Variants in LGSN observed in about 807,000 individuals in gnomAD.
The protein encoded by LGSN is lengsin, lens protein with glutamine synthetase domain.
A neutral mutation model predicts 19.5 loss-of-function variants in LGSN; 21 were observed. The observed-to-expected ratio is 1.07, with a 90% CI of 0.76 to 1.55. The LOEUF (loss-of-function observed/expected upper bound fraction) is 1.55, where lower values mean the gene tolerates loss of function less well. Ranked by LOEUF, LGSN falls within the 40% of genes most tolerant of loss-of-function variation. The pLI, the probability that LGSN is intolerant of heterozygous loss-of-function variation, is 0.00. For missense variants in LGSN, 673 were observed against 608.5 expected (o/e 1.11, Z -1.12); for synonymous variants, 257 against 215.6 (o/e 1.19, Z -1.68).
the LGSN span, among the ~76,000 whole-genome samples, chr6:63,337,036 G>C: frequency 6.6e-6 from 1 of 151,706 alleles, no homozygotes; most frequent in African/African-American, 2.4e-5. Flanking sequence ...GAATTCTCCT[G>C]CCTCAGCCTC....
At chr6:63,544,236 G>GA in the LGSN span, among the ~76,000 whole-genome samples, 1 of 152,098 alleles carries the variant, frequency 6.6e-6, no homozygotes, top group Non-Finnish European at 1.5e-5. Flanking sequence ...AAAGATGCAA[G>GA]AAAAATATAA....
chr6:63,405,783 T>A, the LGSN span, among the ~76,000 whole-genome samples: 1 of 152,006 alleles, frequency 6.6e-6, no homozygotes, highest in Non-Finnish European at 1.5e-5. Flanking sequence ...AGGAAACCCA[T>A]CTCAAGTGCA....
At chr6:63,568,357 T>C in the LGSN span, among the ~76,000 whole-genome samples, 2 of 152,346 alleles carry the variant, frequency 1.3e-5, no homozygotes, top group East Asian at 3.9e-4. Flanking sequence ...AATTTCAGTA[T>C]TGCTGTGTCT....
At chr6:63,299,944 A>G (rs1056810588) in intron 1 of LGSN, among the ~76,000 whole-genome samples, 53 of 152,258 alleles carry the variant, frequency 3.5e-4, no homozygotes, top group African/African-American at 1.2e-3. Context: ...ATTGTCTGTA[A>G]GCTGACACTG....
chr6:63,457,284 C>A, the LGSN span, among the ~76,000 whole-genome samples: 1 of 151,956 alleles, frequency 6.6e-6, no homozygotes, highest in East Asian at 2.0e-4. Context: ...GCGGGTGGAT[C>A]ACTTGAGGTC....
chr6:63,456,596 G>T, the LGSN span, among the ~76,000 whole-genome samples: 1 of 151,688 alleles, frequency 6.6e-6, no homozygotes, highest in Non-Finnish European at 1.5e-5. Context: ...GAGTAAACCT[G>T]TAAGTTGTGC....
At chr6:63,449,603 G>A in the LGSN span, among the ~76,000 whole-genome samples, 1 of 151,364 alleles carries the variant, frequency 6.6e-6, no homozygotes, top group African/African-American at 2.4e-5. Context: ...AATTCAAAAT[G>A]GCAATTGTTC....
chr6:63,333,336 C>T, the LGSN span, among the ~76,000 whole-genome samples: 1 of 151,364 alleles, frequency 6.6e-6, no homozygotes, highest in Non-Finnish European at 1.5e-5. Context: ...GAACTAATAA[C>T]AAGCCTTACA....
the LGSN span, among the ~76,000 whole-genome samples, chr6:63,390,859 C>CAAAAAA: frequency 5.9e-5 from 3 of 50,488 alleles, no homozygotes; most frequent in African/African-American, 1.4e-4. Flanking sequence ...GACTCCATCT[C>CAAAAAA]AAAAAAAAAA....
the LGSN span, among the ~76,000 whole-genome samples, chr6:63,343,615 C>G: frequency 6.6e-6 from 1 of 152,270 alleles, no homozygotes; most frequent in South Asian, 2.1e-4. Flanking sequence ...AGGGAATGCT[C>G]TTTTGCAAAA....
At chr6:63,413,360 A>C in the LGSN span, among the ~76,000 whole-genome samples, 1 of 152,172 alleles carries the variant, frequency 6.6e-6, no homozygotes, top group East Asian at 1.9e-4. Flanking sequence ...TCTTCTAAGA[A>C]ATGGATACAC....
At chr6:63,370,098 C>T in the LGSN span, among the ~76,000 whole-genome samples, 1 of 152,146 alleles carries the variant, frequency 6.6e-6, no homozygotes, top group African/African-American at 2.4e-5. Context: ...GATTTACAGA[C>T]ATTAGAATTT....
chr6:63,444,178 T>C, the LGSN span, among the ~76,000 whole-genome samples: 1 of 152,154 alleles, frequency 6.6e-6, no homozygotes, highest in Admixed American at 6.5e-5. Flanking sequence ...TATTCACTCA[T>C]TTAATCTTCT....
At chr6:63,421,777 G>A in the LGSN span, among the ~76,000 whole-genome samples, 1,953 of 152,088 alleles carry the variant, frequency 0.013, 37 homozygotes, top group African/African-American at 0.045. Context: ...GAACAATAGA[G>A]AGAAAATAGG....
the LGSN span, among the ~76,000 whole-genome samples, chr6:63,424,358 C>A: frequency 2.6e-5 from 4 of 152,024 alleles, no homozygotes; most frequent in African/African-American, 9.7e-5. Flanking sequence ...AAAGAAATCT[C>A]CAGGCCTAGA....
chr6:63,431,319 A>G, the LGSN span, among the ~76,000 whole-genome samples: 2 of 152,248 alleles, frequency 1.3e-5, no homozygotes, highest in African/African-American at 2.4e-5. Flanking sequence ...GGTTCAGTAC[A>G]CAAAGCCAAA....
At chr6:63,562,419 G>A in the LGSN span, among the ~76,000 whole-genome samples, 2 of 152,056 alleles carry the variant, frequency 1.3e-5, no homozygotes, top group East Asian at 1.9e-4. Context: ...GGCTGGTCTC[G>A]AACTCCCGAC....
the LGSN span, among the ~76,000 whole-genome samples, chr6:63,414,336 T>C: frequency 6.6e-6 from 1 of 152,284 alleles, no homozygotes; most frequent in East Asian, 1.9e-4. Context: ...CCCATTTCCT[T>C]GAGAACCTGT....
the LGSN span, among the ~76,000 whole-genome samples, chr6:63,503,959 T>A: frequency 6.6e-6 from 1 of 151,796 alleles, no homozygotes; most frequent in Non-Finnish European, 1.5e-5. Context: ...TATATAAAAA[T>A]TTATATGCAA....
Sources: allele counts gnomAD v4.1 joint callset (sites outside exome capture counted in the v4.1 genomes callset), GRCh38; gene constraint gnomAD v4.1.1; transcripts MANE v1.5; gene names NCBI Gene and HGNC (gene_info 2026-07-23, HGNC 2026-07-21).